The following IGHMBP2 variants were observed in gnomAD, a reference collection of about 807,000 sequenced individuals.
The protein encoded by IGHMBP2 is immunoglobulin mu DNA binding protein 2.
In IGHMBP2, 81 loss-of-function variants were observed where a neutral mutation model predicts 96.0. The observed-to-expected ratio is 0.84, with a 90% confidence interval of 0.71 to 1.01. The LOEUF (loss-of-function observed/expected upper bound fraction) is 1.01, where lower values mean the gene tolerates loss of function less well. Among genes scored for constraint, IGHMBP2 ranks in the 50% least tolerant of loss-of-function variants. The probability of loss-of-function intolerance (pLI) is 0.00; values close to 1 mark genes in which losing one functional copy is unlikely to be tolerated. For synonymous variants in IGHMBP2, 557 were observed against 548.9 expected (o/e 1.01, Z -0.21); for missense variants, 1,227 against 1,306.3 (o/e 0.94, Z 0.94).
chr11:68,925,009 ATG>A (rs1859010738), intron 7 of IGHMBP2, among the ~76,000 whole-genome samples: 2 of 151,990 alleles, frequency 1.3e-5, no homozygotes, highest in Admixed American at 6.6e-5. Context: ...AGCATATTTT[ATG>A]TGTGGCCCAA....
At chr11:68,915,413 C>T (rs941067346) in intron 6 of IGHMBP2, among the ~76,000 whole-genome samples, 1 of 151,774 alleles carries the variant, frequency 6.6e-6, no homozygotes. Flanking sequence ...TTCCTGACCT[C>T]AGGTGCTCTG....
At chr11:68,915,047 T>A (rs775966231) in intron 6 of IGHMBP2, 24 bp downstream of exon 6, 14 of 1,599,194 alleles carry the variant, frequency 8.8e-6, no homozygotes, top group Non-Finnish European at 1.2e-5. Flanking sequence ...CCAGTGTCCA[T>A]GTGGGGCGTG....
chr11:68,936,385 A>G lies in IGHMBP2; in HGVS notation c.1905A>G (p.Glu635=), dbSNP rs1859527882. 1.2e-6 allele frequency: 2 copies of G among 1,614,222 alleles called. No homozygotes were observed. The highest frequency in any genetic ancestry group is 1.7e-6 in the Non-Finnish European group (2 of 1,180,044). The part of the protein sequence containing the change: ...TLVEYFTQHG[E]VRTAFEYLDD... ...TGGAGTATTTCACACAGCATGGGGA[A>G]GTACGCACGGCCTTTGAGTATCTTG... is the stretch of plus-strand genomic sequence containing the variant. The change falls in exon 13 of 15, where the codon GAA becomes GAG. Residue 635 remains glutamate (E), a synonymous_variant. Transcript: ENST00000255078.
chr11:68,905,872 G>A (rs1357810928), intron 1 of IGHMBP2, among the ~76,000 whole-genome samples, 197 bp from the exon 2 acceptor site: 1 of 152,234 alleles, frequency 6.6e-6, no homozygotes, highest in African/African-American at 2.4e-5. Flanking sequence ...ACTGAGAGAA[G>A]GGTTGTGGCA....
At chr11:68,917,229 G>A (rs566265869) in intron 6 of IGHMBP2, among the ~76,000 whole-genome samples, 215 of 152,070 alleles carry the variant, frequency 1.4e-3, no homozygotes, top group African/African-American at 5.0e-3. Flanking sequence ...TGCCTGCCTC[G>A]GGCTCCCAAA....
At chr11:68,908,010 T>TC (rs1858271090) in intron 2 of IGHMBP2, 135 bp from the exon 3 acceptor site, 1 of 845,920 alleles carries the variant, frequency 1.2e-6, no homozygotes, top group Non-Finnish European at 2.0e-6. Flanking sequence ...CTTTTTTTTT[T>TC]TTTAACTGTT....
intron 2 of IGHMBP2, among the ~76,000 whole-genome samples, chr11:68,907,048 T>G (rs988957312): frequency 6.6e-6 from 1 of 151,872 alleles, no homozygotes; most frequent in Non-Finnish European, 1.5e-5. Flanking sequence ...TCACTTGATC[T>G]CAGGAGTTCG....
At chr11:68,911,045 G>A (rs1215702134) in intron 4 of IGHMBP2, among the ~76,000 whole-genome samples, 1 of 152,136 alleles carries the variant, frequency 6.6e-6, no homozygotes, top group African/African-American at 2.4e-5. Flanking sequence ...TATGCTCTAG[G>A]AAACATTTCC....
chr11:68,940,152 G>A lies in IGHMBP2; in HGVS notation c.*421G>A, dbSNP rs574636933. 1.0e-4 allele frequency: 20 copies of A among 198,856 alleles called. 1 individual carries two copies. The South Asian group carries it at 1.9e-3, about 19-fold the overall frequency. The allele number at this position is 198,856 out of a possible 1,614,324, so 12.3% of individuals were successfully genotyped here. ...GAGAGGAAACAGGAAACAAGACTGC[G>A]AATGGCGCTCAGGCAGGGAGCAGGG... On this transcript the variant is annotated 3_prime_UTR_variant, in exon 15 of 15. Transcript: ENST00000255078.
chr11:68,931,105 T>C (rs1003431739), intron 8 of IGHMBP2, among the ~76,000 whole-genome samples: 2 of 152,166 alleles, frequency 1.3e-5, no homozygotes, highest in Non-Finnish European at 2.9e-5. Context: ...CACTGTCCCC[T>C]TCCACTCAGG....
intron 13 of IGHMBP2, chr11:68,937,849 T>G: frequency 1.2e-5 from 4 of 322,738 alleles, no homozygotes; most frequent in Admixed American, 4.2e-5. Flanking sequence ...CCCCAAACCT[T>G]TGTTGAGCAG....
chr11:68,916,403 G>A (rs552482541), intron 6 of IGHMBP2, among the ~76,000 whole-genome samples: 9 of 152,208 alleles, frequency 5.9e-5, no homozygotes, highest in East Asian at 5.8e-4. Flanking sequence ...CCCCCAGCCC[G>A]ACACTCCGAC....
intron 7 of IGHMBP2, among the ~76,000 whole-genome samples, chr11:68,920,328 C>T (rs1025437318): frequency 2.6e-5 from 4 of 152,202 alleles, no homozygotes; most frequent in South Asian, 2.1e-4. Flanking sequence ...AATGTGGGAC[C>T]TCCAGCAATC....
chr11:68,918,309 A>T (rs1357099199), intron 7 of IGHMBP2, among the ~76,000 whole-genome samples: 13 of 145,090 alleles, frequency 9.0e-5, no homozygotes, highest in East Asian at 2.0e-4. Context: ...TTTTTTTTTT[A>T]AATTTAGATT....
At position 68,934,534 on chromosome 11, in the gene IGHMBP2, T is replaced by C. The variant is rs2154008703; in HGVS notation, c.1608T>C (p.Ala536=). Residue 536 remains alanine (A), a synonymous_variant, in exon 11 of 15, where the codon GCT becomes GCC. Transcript: ENST00000255078. Reference sequence around the variant, plus strand: ...CTGGTGTTCCAGCCCGTGACATTGCTGTGGTCTCGCCATACAACCTCCAGG... The same window carrying C: ...CTGGTGTTCCAGCCCGTGACATTGCCGTGGTCTCGCCATACAACCTCCAGG... ...VDAGVPARDI[A]VVSPYNLQVD... 1 of 1,612,724 alleles carries C rather than the reference T, an allele frequency of 6.2e-7. No individual in the cohort carries two copies.
Position 68,908,247 on chromosome 11 carries a change from A to T in IGHMBP2, c.359A>T (p.Glu120Val), listed in dbSNP as rs1858281579. ...AAGTCGGTCACGGTGGCCTTTGATG[A>T]GTCCCACGATTTCCAGTTGAGCTTG... ...TQKSVTVAFDESHDFQLSLDR... is the reference protein window; with the variant it reads ...TQKSVTVAFDVSHDFQLSLDR... Residue 120 changes from glutamate (E) to valine (V), a missense_variant, in exon 3 of 15, where the codon GAG becomes GTG. Transcript: ENST00000255078. 1 of 1,613,930 alleles carries T rather than the reference A, an allele frequency of 6.2e-7. No individual in the cohort carries two copies. Among genetic ancestry groups the T allele is most frequent in the Non-Finnish European group, 8.5e-7 (1 of 1,180,000 alleles).
At position 68,917,800 on chromosome 11, in the gene IGHMBP2, TAAGAA is replaced by T. The variant is rs746581714; in HGVS notation, c.983_987del (p.Lys328ThrfsTer46). On this transcript the variant is annotated frameshift_variant, in exon 7 of 15. Transcript: ENST00000255078. LOFTEE classifies it high-confidence loss of function. ...AATTTTCGAAATGAAATTAAGCTGT[TAAGAA>T]AAGAACTGAAGGAGAGGGAAGAAGC... 3.2e-5 allele frequency: 51 copies of T among 1,613,684 alleles called. No homozygotes were observed. The highest frequency in any genetic ancestry group is 4.0e-5 in the Non-Finnish European group (47 of 1,179,704).
At position 68,907,404 on chromosome 11, in the gene IGHMBP2, A is replaced by G. The variant is rs1455052249; in HGVS notation, c.257-741A>G. On this transcript the variant is annotated intron_variant, in intron 2 of 14. Coordinates refer to ENST00000255078, the MANE Select transcript of IGHMBP2 (RefSeq NM_002180.3). ...CTTGTGCCAAGCATGCTTTGGCTAAACTTGTGCCAGCCTGGTTGGAAAGGA... is the reference window on the plus strand; with the variant it reads ...CTTGTGCCAAGCATGCTTTGGCTAAGCTTGTGCCAGCCTGGTTGGAAAGGA... Among the ~76,000 whole-genome samples the G allele has an allele frequency of 2.0e-5, 3 of 152,144 alleles. No homozygotes were observed. In the East Asian group the frequency reaches 5.8e-4, roughly 29 times the overall value.
At chr11:68,924,361 A>G (rs777933551) in intron 7 of IGHMBP2, among the ~76,000 whole-genome samples, 5 of 152,376 alleles carry the variant, frequency 3.3e-5, no homozygotes, top group Non-Finnish European at 7.3e-5. Context: ...GTGTGATAAT[A>G]GTACCACAAA....
Sources: gnomAD v4.1 joint callset for allele counts (sites outside exome capture counted in the v4.1 genomes callset) on GRCh38, gnomAD v4.1.1 for gene constraint, MANE v1.5 for transcripts, NCBI Gene and HGNC (gene_info 2026-07-23, HGNC 2026-07-21) for gene names.